The following FOCAD variants were observed in gnomAD, a reference collection of about 807,000 sequenced individuals.
The protein encoded by FOCAD is KIAA1797.
Under a neutral mutation model 225.6 loss-of-function variants are expected in FOCAD, and 198 were observed. The ratio of observed to expected loss-of-function variants is 0.88; its 90% CI spans 0.78 to 0.99. The LOEUF is 0.99. Ranked by LOEUF, FOCAD falls within the 50% of genes least tolerant of loss-of-function variation. The pLI, the probability that FOCAD is intolerant of heterozygous loss-of-function variation, is 0.00. For synonymous variants in FOCAD, 897 were observed against 755.0 expected, an observed-to-expected ratio of 1.19 and a Z score of -3.08; for missense variants, 2,713 against 2,123.6, an observed-to-expected ratio of 1.28 and a Z score of -5.46.
chr9:20,948,817 T>G, intron 31 of FOCAD, 34 bp from the exon 32 acceptor site: 1 of 1,608,328 alleles, frequency 6.2e-7, no homozygotes, highest in Non-Finnish European at 8.5e-7. Context: ...AAGGACTGAT[T>G]CCCTCTTTTC....
chr9:20,816,737 A>C (rs140839300), intron 11 of FOCAD, among the ~76,000 whole-genome samples: 16 of 152,276 alleles, frequency 1.1e-4, no homozygotes, highest in African/African-American at 3.4e-4. Context: ...CCTTGATATT[A>C]GCTGGTTTTT....
At chr9:20,684,868 C>G (rs1406368852) in intron 1 of FOCAD, among the ~76,000 whole-genome samples, 3 of 152,232 alleles carry the variant, frequency 2.0e-5, no homozygotes, top group African/African-American at 2.4e-5. Context: ...TCCGCACTTG[C>G]GGCAATTACT....
chr9:20,952,947 A>T, intron 34 of FOCAD, 38 bp from the exon 35 acceptor site: 1 of 1,523,612 alleles, frequency 6.6e-7, no homozygotes, highest in East Asian at 2.3e-5. Flanking sequence ...AGTCCTGCCA[A>T]GTTCACTGGT....
At chr9:20,820,849 G>A (rs1414876649) in intron 13 of FOCAD, 92 bp from the exon 14 acceptor site, 2 of 1,380,146 alleles carry the variant, frequency 1.4e-6, no homozygotes, top group Admixed American at 3.9e-5. Flanking sequence ...TGCAAATGGA[G>A]GATTTGGAGG....
intron 21 of FOCAD, among the ~76,000 whole-genome samples, chr9:20,903,782 T>G (rs1388609443): frequency 6.6e-6 from 1 of 151,932 alleles, no homozygotes; most frequent in African/African-American, 2.4e-5. Flanking sequence ...AAGTGTGCAA[T>G]TCACTGGCAT....
At chr9:20,941,734 A>G (rs1836675209) in intron 28 of FOCAD, among the ~76,000 whole-genome samples, 1 of 152,222 alleles carries the variant, frequency 6.6e-6, no homozygotes, top group South Asian at 2.1e-4. Flanking sequence ...TAGCAACTCC[A>G]AAGTTCAGTT....
chr9:20,759,230 C>A (rs1829343420), intron 6 of FOCAD, among the ~76,000 whole-genome samples: 2 of 152,092 alleles, frequency 1.3e-5, no homozygotes, highest in South Asian at 4.1e-4. Context: ...TCATATGGAA[C>A]CAAAAAAGAG....
Position 20,988,386 on chromosome 9 carries a change from T to C in FOCAD, c.4961T>C (p.Val1654Ala), listed in dbSNP as rs1224013384. The change falls in exon 41 of 44, where the codon GTT (valine) becomes GCT (alanine). Residue 1654 changes from valine (V) to alanine (A), a missense_variant. Physicochemically the swap from Val to Ala is moderately conservative, Grantham distance 64. Transcript: ENST00000338382. ...GAACTGATGGGTTATATTAGAAATGTTGCTTACCAGTCAACATCCTTTCAC... is the reference window on the plus strand; with the variant it reads ...GAACTGATGGGTTATATTAGAAATGCTGCTTACCAGTCAACATCCTTTCAC... The part of the protein sequence containing the change: ...LLELMGYIRN[V>A]AYQSTSFHNT... 4.3e-6 allele frequency: 7 copies of C among 1,612,140 alleles called. No homozygotes were observed. Among genetic ancestry groups the C allele is most frequent in the Non-Finnish European group, 5.9e-6 (7 of 1,178,898 alleles).
At chr9:20,912,825 C>G (rs1173143747) in intron 22 of FOCAD, 41 bp from the exon 23 acceptor site, 1 of 1,504,956 alleles carries the variant, frequency 6.6e-7, no homozygotes, top group South Asian at 1.1e-5. Context: ...ATCACTTCAG[C>G]CATCGAGTTC....
At chr9:20,769,731 C>T (rs1298979514) in intron 7 of FOCAD, among the ~76,000 whole-genome samples, 2 of 152,148 alleles carry the variant, frequency 1.3e-5, no homozygotes. Context: ...AACATGTTGT[C>T]ATTGTCATGT....
Position 20,828,991 on chromosome 9 carries a change from T to G in FOCAD, c.1920+5876T>G, listed in dbSNP as rs138365590. Reference sequence around the variant, plus strand: ...CTCATTCCTTTTTATGGCTGCATAGTATTCCATGGTGTATATGTACCACAT... The same window carrying G: ...CTCATTCCTTTTTATGGCTGCATAGGATTCCATGGTGTATATGTACCACAT... On this transcript the variant is annotated intron_variant, in intron 15 of 43. Coordinates refer to ENST00000338382, the MANE Select transcript of FOCAD (RefSeq NM_001375567.1). Among the ~76,000 whole-genome samples the G allele has an allele frequency of 1.8e-3, 280 of 152,334 alleles. 1 individual carries two copies. The highest frequency in any genetic ancestry group is 6.5e-3 in the African/African-American group (272 of 41,596).
At chr9:20,870,124 A>T (rs1420304773) in intron 18 of FOCAD, among the ~76,000 whole-genome samples, 1 of 152,188 alleles carries the variant, frequency 6.6e-6, no homozygotes, top group Non-Finnish European at 1.5e-5. Context: ...ACTTGGTTTC[A>T]TTAAAAAACA....
At chr9:20,656,359 C>G (rs547843321), upstream of FOCAD, among the ~76,000 whole-genome samples, 15,408 of 151,324 alleles carry the variant, frequency 0.1, 1,638 homozygotes, top group African/African-American at 0.28. Context: ...GTTGATCTGT[C>G]TAATGTTGAC....
upstream of FOCAD, among the ~76,000 whole-genome samples, chr9:20,656,422 G>C (rs1490172711): frequency 1.3e-5 from 2 of 152,120 alleles, no homozygotes; most frequent in Non-Finnish European, 2.9e-5. Context: ...AAGTCTCTTT[G>C]TAGGTCACTC....
upstream of FOCAD, among the ~76,000 whole-genome samples, chr9:20,679,793 A>T (rs1822346795): frequency 6.6e-6 from 1 of 152,230 alleles, no homozygotes; most frequent in African/African-American, 2.4e-5. Flanking sequence ...CAATGTCTAG[A>T]AAATACAGAT....
At chr9:20,678,335 C>G (rs901239241) in intron 2 of FOCAD, among the ~76,000 whole-genome samples, 1 of 152,164 alleles carries the variant, frequency 6.6e-6, no homozygotes. Flanking sequence ...CTTGAGCAAA[C>G]TACCAAGCAT....
chr9:20,795,494 G>C (rs571694052), intron 11 of FOCAD, among the ~76,000 whole-genome samples: 62 of 152,234 alleles, frequency 4.1e-4, no homozygotes, highest in Admixed American at 1.4e-3. Context: ...AGAAGACACA[G>C]CATGTTTTGG....
rs1360847444 is a variant in FOCAD, at chr9:20,946,683, G to C, written c.3556-18G>C. ...TTTCCTCCTGAAGACATATTTTTCT[G>C]CTGTATTTTCTTCTCAGGTCCTTGC... On this transcript the variant is annotated intron_variant, in intron 29 of 43. Coordinates refer to ENST00000338382, the MANE Select transcript of FOCAD (RefSeq NM_001375567.1). 1.3e-6 allele frequency: 2 copies of C among 1,594,670 alleles called. No homozygotes were observed. The highest frequency in any genetic ancestry group is 1.7e-6 in the Non-Finnish European group (2 of 1,172,432).
At chr9:20,748,961 C>T (rs897951118) in intron 5 of FOCAD, among the ~76,000 whole-genome samples, 1 of 152,056 alleles carries the variant, frequency 6.6e-6, no homozygotes, top group African/African-American at 2.4e-5. Context: ...TGCTAAATGT[C>T]TTTAAGGCCA....
Sources: allele counts gnomAD v4.1 joint callset (sites outside exome capture counted in the v4.1 genomes callset), GRCh38; gene constraint gnomAD v4.1.1; transcripts MANE v1.5; gene names NCBI Gene and HGNC (gene_info 2026-07-23, HGNC 2026-07-21).